Variants in SEMA5A observed in about 807,000 individuals in gnomAD.
SEMA5A encodes the protein semaphorin 5A.
In SEMA5A, 55 loss-of-function variants were observed where a neutral mutation model predicts 135.5. That is an observed-to-expected ratio of 0.41 (90% CI 0.33 to 0.51). The LOEUF is 0.51. SEMA5A is among the 20% of genes least tolerant of loss of function. The pLI is 0.37. For synonymous variants in SEMA5A, 580 were observed against 546.5 expected (o/e 1.06, Z -0.85); for missense variants, 1,290 against 1,419.9 (o/e 0.91, Z 1.47).
At chr5:9,074,259 C>T (rs1397778989) in intron 16 of SEMA5A, among the ~76,000 whole-genome samples, 2 of 152,124 alleles carry the variant, frequency 1.3e-5, no homozygotes, top group Non-Finnish European at 2.9e-5. Context: ...AGCATAGTCT[C>T]TTCTGAAAAT....
intron 2 of SEMA5A, among the ~76,000 whole-genome samples, chr5:9,429,810 G>A (rs1242047761): frequency 6.6e-6 from 1 of 152,220 alleles, no homozygotes; most frequent in Non-Finnish European, 1.5e-5. Flanking sequence ...GAGAAAGATA[G>A]ATAGAGAAGA....
rs1372271267 is a variant in SEMA5A, at chr5:9,400,675, T to A, written c.-77-20652A>T. Among the ~76,000 whole-genome samples the A allele has an allele frequency of 3.3e-5, 2 of 60,332 alleles. 1 individual carries two copies. The highest frequency in any genetic ancestry group is 1.4e-3 in the East Asian group (2 of 1,388). 39.6% of individuals were successfully genotyped at this position (60,332 alleles called of 152,430 possible). On this transcript the variant is annotated intron_variant, in intron 2 of 22. Coordinates refer to ENST00000382496, the MANE Select transcript of SEMA5A (RefSeq NM_003966.3). ...GCGCCCGCCACTACGCCCGGCTAAT[T>A]TTTTGTATTTTTAGTAGAGACGGGG...
chr5:9,469,893 G>A (rs533630539), intron 1 of SEMA5A, among the ~76,000 whole-genome samples: 1 of 152,320 alleles, frequency 6.6e-6, no homozygotes, highest in East Asian at 1.9e-4. Flanking sequence ...CAAGCTCTGA[G>A]CCAGACAAAT....
chr5:9,242,703 A>G (rs1447687644), intron 5 of SEMA5A, among the ~76,000 whole-genome samples: 1 of 152,144 alleles, frequency 6.6e-6, no homozygotes, highest in African/African-American at 2.4e-5. Flanking sequence ...GGATCTCACA[A>G]ATCTCCACTG....
chr5:9,288,001 A>G (rs1363036812), intron 5 of SEMA5A, among the ~76,000 whole-genome samples: 2 of 152,200 alleles, frequency 1.3e-5, no homozygotes, highest in Non-Finnish European at 2.9e-5. Flanking sequence ...CTGTCTTCAA[A>G]AACACTTATG....
intron 11 of SEMA5A, among the ~76,000 whole-genome samples, chr5:9,159,307 T>C (rs951256624): frequency 6.6e-6 from 1 of 152,226 alleles, no homozygotes; most frequent in African/African-American, 2.4e-5. Flanking sequence ...ATAAGGCTAT[T>C]ACTGAGGATA....
chr5:9,301,346 C>T (rs187078471), intron 5 of SEMA5A, among the ~76,000 whole-genome samples: 12 of 152,302 alleles, frequency 7.9e-5, no homozygotes, highest in Middle Eastern at 3.4e-3. Context: ...AAATCTGTTT[C>T]GAGAAGTTTT....
intron 9 of SEMA5A, among the ~76,000 whole-genome samples, chr5:9,199,071 G>A (rs1442075422): frequency 2.0e-5 from 3 of 152,118 alleles, no homozygotes; most frequent in Non-Finnish European, 4.4e-5. Flanking sequence ...AGCAGGATTT[G>A]TACCTGCTTT....
intron 2 of SEMA5A, among the ~76,000 whole-genome samples, chr5:9,408,205 C>A (rs1463350941): frequency 6.6e-6 from 1 of 152,110 alleles, no homozygotes; most frequent in Non-Finnish European, 1.5e-5. Context: ...CCACCATCAC[C>A]ACCACCACCA....
chr5:9,209,936 A>G (rs1561024561), intron 8 of SEMA5A, among the ~76,000 whole-genome samples: 1 of 152,220 alleles, frequency 6.6e-6, no homozygotes, highest in South Asian at 2.1e-4. Context: ...AAGGACATCA[A>G]GAGGGATTCA....
intron 1 of SEMA5A, among the ~76,000 whole-genome samples, chr5:9,514,132 A>G (rs1161370837): frequency 2.4e-4 from 36 of 152,112 alleles, no homozygotes; most frequent in Non-Finnish European, 1.5e-5. Context: ...TCCATCTACA[A>G]GGGAGGAGCA....
chr5:9,277,162 C>A (rs1713976424), intron 5 of SEMA5A, among the ~76,000 whole-genome samples: 1 of 152,136 alleles, frequency 6.6e-6, no homozygotes, highest in Non-Finnish European at 1.5e-5. Flanking sequence ...AGGATATGAA[C>A]AGACACTTCT....
intron 16 of SEMA5A, among the ~76,000 whole-genome samples, chr5:9,098,453 C>A (rs1739447167): frequency 6.6e-6 from 1 of 152,082 alleles, no homozygotes; most frequent in Admixed American, 6.6e-5. Flanking sequence ...TATGGATAAT[C>A]AATTGATTAG....
At position 9,442,752 on chromosome 5, in the gene SEMA5A, A is replaced by T. The variant is rs561665734; in HGVS notation, c.-174-4900T>A. Among the ~76,000 whole-genome samples the T allele has an allele frequency of 3.3e-5, 5 of 152,302 alleles. No homozygotes were observed. In the South Asian group the frequency reaches 1.0e-3, roughly 32 times the overall value. On this transcript the variant is annotated intron_variant, in intron 1 of 22. Coordinates refer to ENST00000382496, the MANE Select transcript of SEMA5A (RefSeq NM_003966.3). ...ATATTAACTATCTAAAATAGATTTT[A>T]AAATATGCTAAATAAAAAGTCAAAA...
At chr5:9,107,738 C>T (rs566491228) in intron 16 of SEMA5A, among the ~76,000 whole-genome samples, 9 of 152,064 alleles carry the variant, frequency 5.9e-5, no homozygotes, top group East Asian at 1.9e-4. Flanking sequence ...TGTAGAGAAT[C>T]GAGTACTTGA....
intron 17 of SEMA5A, among the ~76,000 whole-genome samples, chr5:9,063,889 G>A (rs1197724024): frequency 2.0e-5 from 3 of 152,162 alleles, no homozygotes; most frequent in Admixed American, 6.5e-5. Context: ...GTTAAGTCAC[G>A]TAATTAGCCA....
rs183980161 is a variant in SEMA5A at position 9,045,638 on chromosome 5, T to C, written c.2894-1054A>G. Among the ~76,000 whole-genome samples, 318 of 152,314 alleles carry C rather than the reference T, an allele frequency of 2.1e-3. 1 individual carries two copies. The highest frequency in any genetic ancestry group is 3.9e-3 in the Non-Finnish European group (267 of 68,026). ...TCCTGCGTACCACTTTTCTCACTTATGTTGTATTTTGAAGGTCTTGTCAAG... is the reference window on the plus strand; with the variant it reads ...TCCTGCGTACCACTTTTCTCACTTACGTTGTATTTTGAAGGTCTTGTCAAG... On this transcript the variant is annotated intron_variant, in intron 21 of 22. Transcript: ENST00000382496.
chr5:9,495,455 A>G (rs1482828676), intron 1 of SEMA5A, among the ~76,000 whole-genome samples: 1 of 152,216 alleles, frequency 6.6e-6, no homozygotes, highest in Non-Finnish European at 1.5e-5. Context: ...CTCTGTTTGC[A>G]CAAGGACCAT....
At chr5:9,165,282 T>C (rs547677828) in intron 11 of SEMA5A, among the ~76,000 whole-genome samples, 20 of 152,128 alleles carry the variant, frequency 1.3e-4, no homozygotes, top group Non-Finnish European at 2.9e-4. Flanking sequence ...TCTTATTTTG[T>C]ATGAAAAGAA....
Sources: gnomAD v4.1 joint callset for allele counts (sites outside exome capture counted in the v4.1 genomes callset) on GRCh38, gnomAD v4.1.1 for gene constraint, MANE v1.5 for transcripts, NCBI Gene and HGNC (gene_info 2026-07-23, HGNC 2026-07-21) for gene names.